FAM13A: variants seen among roughly 807,000 people sequenced by gnomAD.
FAM13A encodes protein FAM13A.
In FAM13A, 76 loss-of-function variants were observed where a neutral mutation model predicts 129.6. The observed-to-expected ratio is 0.59, with a 90% CI of 0.49 to 0.71. FAM13A has a LOEUF of 0.71. Among genes scored for constraint, FAM13A ranks in the 30% least tolerant of loss-of-function variants. The probability of loss-of-function intolerance (pLI) is 0.00; values close to 1 mark genes in which losing one functional copy is unlikely to be tolerated. For missense variants in FAM13A, 1,108 were observed against 1,249.3 expected, an observed-to-expected ratio of 0.89 and a Z score of 1.70; for synonymous variants, 443 against 449.9, an observed-to-expected ratio of 0.98 and a Z score of 0.20.
At chr4:88,815,297 G>A (rs980218852) in intron 7 of FAM13A, among the ~76,000 whole-genome samples, 3 of 151,956 alleles carry the variant, frequency 2.0e-5, no homozygotes, top group South Asian at 2.1e-4. Flanking sequence ...AGCAACTTCC[G>A]AGGCTTCTCC....
At chr4:88,978,236 T>C (rs2148975362) in intron 4 of FAM13A, among the ~76,000 whole-genome samples, 1 of 152,342 alleles carries the variant, frequency 6.6e-6, no homozygotes, top group Admixed American at 6.5e-5. Context: ...ACAAGTTCTA[T>C]TTTAACTCTG....
At position 88,982,982 on chromosome 4, in the gene FAM13A, G is replaced by A. The variant is rs144791396; in HGVS notation, c.605+7991C>T. Among the ~76,000 whole-genome samples the A allele has an allele frequency of 3.3e-5, 5 of 152,208 alleles. No individual in the cohort carries two copies. The East Asian group carries it at 9.7e-4, about 30-fold the overall frequency. ...CACCTCCAGTGATTGATGGAAATGG[G>A]GTAAGGAGACTAAACCCTTTGACTC... is the stretch of plus-strand genomic sequence containing the variant. On this transcript the variant is annotated intron_variant, in intron 4 of 23. Transcript: ENST00000264344.
chr4:88,945,990 G>GTGTGTGTGTGTGTGTATA, intron 4 of FAM13A, among the ~76,000 whole-genome samples: 1 of 61,962 alleles, frequency 1.6e-5, no homozygotes, highest in Non-Finnish European at 2.9e-5. Context: ...GTGTGTGTGT[G>GTGTGTGTGTGTGTGTATA]TATATATATA....
At chr4:88,986,387 G>C (rs569463477) in intron 4 of FAM13A, among the ~76,000 whole-genome samples, 11 of 152,338 alleles carry the variant, frequency 7.2e-5, no homozygotes, top group African/African-American at 2.6e-4. Context: ...GCCTGCCTCA[G>C]CCTCCCAAAG....
intron 11 of FAM13A, among the ~76,000 whole-genome samples, chr4:88,772,972 T>G (rs769414368): frequency 6.6e-6 from 1 of 152,208 alleles, no homozygotes; most frequent in Non-Finnish European, 1.5e-5. Context: ...TCACTTTTCA[T>G]AGATGAAAGG....
chr4:88,758,110 A>G (rs1041113085), intron 14 of FAM13A, among the ~76,000 whole-genome samples: 3 of 152,146 alleles, frequency 2.0e-5, no homozygotes, highest in Non-Finnish European at 2.9e-5. Flanking sequence ...CTGAAACACA[A>G]TTTTGACAAG....
At chr4:88,887,163 G>A (rs1579123123) in intron 6 of FAM13A, among the ~76,000 whole-genome samples, 1 of 143,368 alleles carries the variant, frequency 7.0e-6, no homozygotes, top group African/African-American at 2.6e-5. Flanking sequence ...GGGAGGGGGC[G>A]AGACTACACA....
At chr4:88,906,332 C>G (rs1174735858) in intron 6 of FAM13A, 47 bp downstream of exon 6, 2 of 1,203,456 alleles carry the variant, frequency 1.7e-6, no homozygotes, top group Admixed American at 4.1e-5. Context: ...AACAAAGAAC[C>G]ATGCTAAAGA....
At chr4:88,914,781 T>A (rs1473335505) in intron 5 of FAM13A, among the ~76,000 whole-genome samples, 1 of 152,224 alleles carries the variant, frequency 6.6e-6, no homozygotes, top group Non-Finnish European at 1.5e-5. Flanking sequence ...TAGTATTCAG[T>A]GTATAGTTAA....
At chr4:88,738,704 G>A (rs1267653339) in intron 20 of FAM13A, among the ~76,000 whole-genome samples, 1 of 152,186 alleles carries the variant, frequency 6.6e-6, no homozygotes, top group African/African-American at 2.4e-5. Context: ...AAGAGGCCTG[G>A]AGAAAGTGCA....
chr4:88,967,323 T>C (rs1759484501), intron 4 of FAM13A, among the ~76,000 whole-genome samples: 1 of 152,036 alleles, frequency 6.6e-6, no homozygotes, highest in African/African-American at 2.4e-5. Context: ...GAACTGCTGA[T>C]TAAAGTCTGA....
intron 4 of FAM13A, among the ~76,000 whole-genome samples, chr4:88,986,379 C>T (rs977410051): frequency 5.3e-5 from 8 of 152,364 alleles, no homozygotes; most frequent in African/African-American, 1.7e-4. Flanking sequence ...AGTGATCCGC[C>T]TGCCTCAGCC....
At chr4:88,971,881 A>G (rs1760130671) in intron 4 of FAM13A, among the ~76,000 whole-genome samples, 1 of 152,228 alleles carries the variant, frequency 6.6e-6, no homozygotes. Context: ...CATAATGAGA[A>G]TATAAAGAAA....
At chr4:89,039,019 G>A (rs1255313399) in intron 1 of FAM13A, among the ~76,000 whole-genome samples, 1 of 152,112 alleles carries the variant, frequency 6.6e-6, no homozygotes, top group African/African-American at 2.4e-5. Context: ...CTCATCATGT[G>A]CTCCTGATGT....
intron 6 of FAM13A, among the ~76,000 whole-genome samples, chr4:88,864,800 A>C (rs1255588793): frequency 2.0e-5 from 3 of 152,250 alleles, no homozygotes; most frequent in Admixed American, 1.3e-4. Context: ...AAAAACAAAC[A>C]AACAAAATGT....
chr4:88,882,630 A>ACT (rs1743777765), intron 6 of FAM13A, among the ~76,000 whole-genome samples: 1 of 152,066 alleles, frequency 6.6e-6, no homozygotes, highest in Non-Finnish European at 1.5e-5. Context: ...TTCAGGCAAC[A>ACT]AACAGCATGA....
intron 5 of FAM13A, among the ~76,000 whole-genome samples, chr4:88,923,649 G>T (rs1751541835): frequency 6.6e-6 from 1 of 152,174 alleles, no homozygotes; most frequent in Admixed American, 6.5e-5. Flanking sequence ...GCACAAGACA[G>T]GGATGCCCTC....
intron 7 of FAM13A, among the ~76,000 whole-genome samples, chr4:88,850,106 T>G (rs1404761809): frequency 4.6e-5 from 7 of 152,150 alleles, no homozygotes; most frequent in Non-Finnish European, 8.8e-5. Context: ...TCTTTCAACT[T>G]CCTGGAGTAT....
Position 88,857,965 on chromosome 4 carries a change from T to C in FAM13A, c.844-6782A>G, listed in dbSNP as rs201571082. Among the ~76,000 whole-genome samples the C allele has an allele frequency of 2.0e-5, 3 of 152,256 alleles. No individual in the cohort carries two copies. The East Asian group carries it at 5.8e-4, about 29-fold the overall frequency. ...AACAATCAGCTGATACTATAAAATA[T>C]ATTAATTCTATTGTGTAAACATTGC... On this transcript the variant is annotated intron_variant, in intron 6 of 23. Transcript: ENST00000264344.
Sources: allele counts gnomAD v4.1 joint callset (sites outside exome capture counted in the v4.1 genomes callset), GRCh38; gene constraint gnomAD v4.1.1; transcripts MANE v1.5; gene names NCBI Gene and HGNC (gene_info 2026-07-23, HGNC 2026-07-21).